Variants in TTLL11 observed in about 807,000 individuals in gnomAD.
TTLL11 encodes the protein tubulin tyrosine ligase like 11.
In TTLL11, 42 loss-of-function variants were observed where a neutral mutation model predicts 51.7. The observed-to-expected ratio is 0.81, with a 90% CI of 0.64 to 1.05. The LOEUF (loss-of-function observed/expected upper bound fraction) is 1.05. TTLL11 is among the 50% of genes least tolerant of loss of function. TTLL11 has a pLI of 0.00. For missense variants in TTLL11, 799 were observed against 940.4 expected, an observed-to-expected ratio of 0.85 and a Z score of 1.97; for synonymous variants, 381 against 383.5, an observed-to-expected ratio of 0.99 and a Z score of 0.08.
rs765978069 is a variant in TTLL11 at position 121,989,410 on chromosome 9, C to T, written c.1054G>A (p.Gly352Ser). 56 of 1,613,980 alleles carry T rather than the reference C, an allele frequency of 3.5e-5. No individual in the cohort carries two copies. Among genetic ancestry groups the T allele is most frequent in the Non-Finnish European group, 4.3e-5 (51 of 1,180,038 alleles). ...GCACTGTCCGAGTGGATGAAGTTGCCGCTGTGGATGTTCAGTGAATAGTTG... is the reference window on the plus strand; with the variant it reads ...GCACTGTCCGAGTGGATGAAGTTGCTGCTGTGGATGTTCAGTGAATAGTTG... The part of the protein sequence containing the change: ...LTNYSLNIHS[G>S]NFIHSDSAST... The change falls in exon 4 of 9, where the codon GGC (glycine) becomes AGC (serine). Residue 352 changes from glycine to serine, a missense_variant. Transcript: ENST00000321582. The surrounding 1 kb of genome is among the most constrained non-coding windows in gnomAD (Gnocchi z 4.2).
At chr9:121,863,695 C>T (rs1292738790) in intron 7 of TTLL11, among the ~76,000 whole-genome samples, 3 of 152,226 alleles carry the variant, frequency 2.0e-5, no homozygotes, top group Non-Finnish European at 2.9e-5. Flanking sequence ...ATTCTGTAGG[C>T]ATTTCTTGGG....
chr9:121,899,389 A>ATG (rs1339394064), intron 6 of TTLL11, among the ~76,000 whole-genome samples: 3 of 125,332 alleles, frequency 2.4e-5, no homozygotes, highest in Admixed American at 8.8e-5. Context: ...ATATATATAT[A>ATG]TATATATATA....
rs1036854700 is a variant in TTLL11, at chr9:121,830,122, G to A, written c.1841-7243C>T. Among the ~76,000 whole-genome samples the A allele has an allele frequency of 5.3e-5, 8 of 152,214 alleles. No individual in the cohort carries two copies. The East Asian group carries it at 7.7e-4, about 15-fold the overall frequency. ...ATAGAATGTGAACCTTGTAACAGTCGTGTGATGCAGGTGTTATTATGCCCA... is the reference window on the plus strand; with the variant it reads ...ATAGAATGTGAACCTTGTAACAGTCATGTGATGCAGGTGTTATTATGCCCA... On this transcript the variant is annotated intron_variant, in intron 8 of 8. Transcript: ENST00000321582.
Position 121,855,253 on chromosome 9 carries a change from C to G in TTLL11, c.1840+5084G>C, listed in dbSNP as rs542941923. ...TCATGATGGAAGTGTCTCATGAACC[C>G]AGGGTGATGGGTGATGGCTAATCTA... On this transcript the variant is annotated intron_variant, in intron 8 of 8. Coordinates refer to ENST00000321582, the MANE Select transcript of TTLL11 (RefSeq NM_001139442.2). Among the ~76,000 whole-genome samples, 58 of 152,266 alleles carry G rather than the reference C, an allele frequency of 3.8e-4. No individual in the cohort carries two copies. In the South Asian group the frequency reaches 0.011, roughly 29 times the overall value.
In TTLL11 at chr9:121,974,112, C is replaced by G. The variant is rs781028991; in HGVS notation, c.1378G>C (p.Val460Leu). The change falls in exon 6 of 9, where the codon GTG becomes CTG. Residue 460 changes from valine to leucine, a missense_variant. By Grantham distance (32) the Val-to-Leu change is conservative (BLOSUM62 1). Transcript: ENST00000321582. Reference protein sequence around the residue: ...IEHEHELSPGVFENVPSLVDE... With the variant: ...IEHEHELSPGLFENVPSLVDE... ...ACGAGGCTGGGGACATTTTCAAACA[C>G]CCCTGGAGAAAGCTTGAACGGGTAA... 6.4e-7 allele frequency: 1 copy of G among 1,551,434 alleles called. No homozygotes were observed. Among genetic ancestry groups the G allele is most frequent in the African/African-American group, 1.4e-5 (1 of 73,166 alleles).
In TTLL11 at chr9:121,989,726, A is replaced by G. The variant is rs1284634490; in HGVS notation, c.738T>C (p.Phe246=). The change falls in exon 4 of 9, where the codon TTT becomes TTC. Residue 246 remains phenylalanine, a synonymous_variant. Coordinates refer to ENST00000321582, the MANE Select transcript of TTLL11 (RefSeq NM_001139442.2). This position sits in a 1 kb window ranked among gnomAD's most constrained non-coding sequence, Gnocchi z 4.2. ...GACAACCACCATCAGGTTTCACGATAAAAGTGGGCTTCCAGGAGGGGTCAT... is the reference window on the plus strand; with the variant it reads ...GACAACCACCATCAGGTTTCACGATGAAAGTGGGCTTCCAGGAGGGGTCAT... ...KDDDPSWKPT[F]IVKPDGGCQG... is the part of the protein sequence containing the mutation. 6.2e-7 allele frequency: 1 copy of G among 1,610,626 alleles called. No homozygotes were observed. Among genetic ancestry groups the G allele is most frequent in the Non-Finnish European group, 8.5e-7 (1 of 1,177,468 alleles).
chr9:121,989,657 G>A lies in TTLL11; in HGVS notation c.807C>T (p.Arg269=). ...IYLIKDPSDI[R]LAGTLQSRPA... ...GCCTGCTCTGGAGGGTCCCTGCCAG[G>A]CGGATGTCACTGGGGTCTTTAATGA... Residue 269 remains arginine (R), a synonymous_variant, in exon 4 of 9, where the codon CGC becomes CGT. Coordinates refer to ENST00000321582, the MANE Select transcript of TTLL11 (RefSeq NM_001139442.2). The surrounding 1 kb of genome is among the most constrained non-coding windows in gnomAD (Gnocchi z 4.2). 1 of 1,614,188 alleles carries A rather than the reference G, an allele frequency of 6.2e-7. No homozygotes were observed. Among genetic ancestry groups the A allele is most frequent in the East Asian group, 2.2e-5 (1 of 44,884 alleles).
intron 8 of TTLL11, among the ~76,000 whole-genome samples, chr9:121,824,031 T>C (rs909980901): frequency 3.3e-5 from 5 of 152,242 alleles, no homozygotes; most frequent in Non-Finnish European, 7.3e-5. Context: ...CTCTCTGGAC[T>C]GTGCGCTTCC....
intron 3 of TTLL11, among the ~76,000 whole-genome samples, chr9:122,022,678 G>A (rs1844215694): frequency 6.6e-6 from 1 of 151,042 alleles, no homozygotes; most frequent in African/African-American, 2.4e-5. Flanking sequence ...ACAGAAATGT[G>A]AATCTACACA....
Position 121,973,980 on chromosome 9 carries a change from A to G in TTLL11, c.1481+29T>C. ...AGCCGGGTTAGGAGGCAGAGTTGATAGAAATGAATGACATAAAAAAGTACT... is the reference window on the plus strand; with the variant it reads ...AGCCGGGTTAGGAGGCAGAGTTGATGGAAATGAATGACATAAAAAAGTACT... On this transcript the variant is annotated intron_variant, in intron 6 of 8. Coordinates refer to ENST00000321582, the MANE Select transcript of TTLL11 (RefSeq NM_001139442.2). 2.0e-6 allele frequency: 3 copies of G among 1,524,540 alleles called. No homozygotes were observed. The South Asian group carries it at 3.6e-5, about 18-fold the overall frequency. 94.4% of individuals were successfully genotyped at this position (1,524,540 alleles called of 1,614,324 possible).
At chr9:121,945,211 C>T (rs1459579934) in intron 6 of TTLL11, among the ~76,000 whole-genome samples, 1 of 152,028 alleles carries the variant, frequency 6.6e-6, no homozygotes, top group Non-Finnish European at 1.5e-5. Flanking sequence ...GAGCAAATCC[C>T]AGATGATCTC....
chr9:121,957,976 C>G (rs188233754), intron 6 of TTLL11, among the ~76,000 whole-genome samples: 1 of 152,182 alleles, frequency 6.6e-6, no homozygotes, highest in African/African-American at 2.4e-5. Context: ...GAGGGGCCAG[C>G]CTGCCATGAA....
intron 6 of TTLL11, among the ~76,000 whole-genome samples, chr9:121,968,269 C>G (rs1842462606): frequency 6.6e-6 from 1 of 152,184 alleles, no homozygotes; most frequent in Non-Finnish European, 1.5e-5. Context: ...AAAATGCTAC[C>G]TTAGCCAAAA....
intron 1 of TTLL11, among the ~76,000 whole-genome samples, chr9:122,065,577 A>C (rs1167852171): frequency 6.6e-6 from 1 of 152,206 alleles, no homozygotes; most frequent in Non-Finnish European, 1.5e-5. Context: ...AAGAAACTAC[A>C]AGCCTTGGCT....
chr9:121,834,527 G>A (rs542061626), intron 8 of TTLL11, among the ~76,000 whole-genome samples: 3 of 149,952 alleles, frequency 2.0e-5, no homozygotes, highest in Admixed American at 2.0e-4. Context: ...GCAACACAGT[G>A]CTTAAAAAAT....
chr9:122,092,612 G>A (rs1270650173), intron 1 of TTLL11, 75 bp downstream of exon 1: 6 of 1,526,104 alleles, frequency 3.9e-6, no homozygotes, highest in African/African-American at 1.4e-5. Context: ...GACCTGACCT[G>A]GGCCGTGCCG....
intron 1 of TTLL11, among the ~76,000 whole-genome samples, chr9:122,055,244 A>ATAGATAGATAG (rs1244985561): frequency 4.8e-4 from 20 of 41,314 alleles, no homozygotes; most frequent in Non-Finnish European, 8.6e-4. Flanking sequence ...TAGATAGATA[A>ATAGATAGATAG]AGGGGAGTTT....
chr9:122,067,800 G>C (rs1845628015), intron 1 of TTLL11, among the ~76,000 whole-genome samples: 2 of 152,302 alleles, frequency 1.3e-5, no homozygotes, highest in Admixed American at 1.3e-4. Context: ...ACCATGCCCA[G>C]CCTGAGCAAA....
intron 6 of TTLL11, among the ~76,000 whole-genome samples, chr9:121,933,439 G>C (rs1841070923): frequency 6.6e-6 from 1 of 152,174 alleles, no homozygotes; most frequent in African/African-American, 2.4e-5. Flanking sequence ...ACGGTAGTTT[G>C]AGGGAGTTTT....
Sources: allele counts gnomAD v4.1 joint callset (sites outside exome capture counted in the v4.1 genomes callset), GRCh38; gene constraint gnomAD v4.1.1; non-coding constraint Gnocchi (gnomAD v3.1); transcripts MANE v1.5; gene names NCBI Gene and HGNC (gene_info 2026-07-23, HGNC 2026-07-21).